Variants in TNIK observed in about 807,000 individuals in gnomAD.
TNIK encodes TRAF2 and NCK-interacting protein kinase.
A neutral mutation model predicts 191.3 loss-of-function variants in TNIK; 49 were observed. That is an observed-to-expected ratio of 0.26 (90% CI 0.20 to 0.32). TNIK has a LOEUF of 0.32. TNIK is among the 10% of genes least tolerant of loss of function. The pLI is 1.00. For synonymous variants in TNIK, 594 were observed against 600.9 expected, an observed-to-expected ratio of 0.99 and a Z score of 0.17; for missense variants, 1,155 against 1,702.3, an observed-to-expected ratio of 0.68 and a Z score of 5.66.
In TNIK at chr3:171,140,429, C is replaced by T. The variant is rs1730654285; in HGVS notation, c.1302G>A (p.Glu434=). 1 of 1,607,992 alleles carries T rather than the reference C, an allele frequency of 6.2e-7. No individual in the cohort carries two copies. The change falls in exon 13 of 33, where the codon GAG becomes GAA. Residue 434 remains glutamate (E), a synonymous_variant. Transcript: ENST00000436636. The part of the protein sequence containing the change: ...RRHYEEQMRR[E]EERRRAEHEQ... Reference sequence around the variant, plus strand: ...CATGCTCCGCACGCCTCCTCTCCTCCTCCCGGCGCATCTGCTCCTCATAGT... The same window carrying T: ...CATGCTCCGCACGCCTCCTCTCCTCTTCCCGGCGCATCTGCTCCTCATAGT...
chr3:171,383,909 C>G (rs1402568259), intron 1 of TNIK, among the ~76,000 whole-genome samples: 1 of 152,190 alleles, frequency 6.6e-6, no homozygotes, highest in Non-Finnish European at 1.5e-5. Context: ...CTCCAAATCT[C>G]CCAGTGGTTC....
chr3:171,325,666 G>T (rs1187164947), intron 2 of TNIK, among the ~76,000 whole-genome samples: 1 of 150,870 alleles, frequency 6.6e-6, no homozygotes, highest in African/African-American at 2.4e-5. Flanking sequence ...ATTTTATCTG[G>T]CAACTTTAAT....
At chr3:171,196,455 T>C (rs148247086) in intron 4 of TNIK, among the ~76,000 whole-genome samples, 2,893 of 152,280 alleles carry the variant, frequency 0.019, 93 homozygotes, top group African/African-American at 0.066. Flanking sequence ...ATCAGGCCTC[T>C]AGCTCCAGCC....
At chr3:171,227,569 T>G (rs1743106050) in intron 3 of TNIK, among the ~76,000 whole-genome samples, 1 of 152,206 alleles carries the variant, frequency 6.6e-6, no homozygotes, top group South Asian at 2.1e-4. Context: ...GCAAACAGTA[T>G]TCACTCTAAC....
rs1715790274 is a variant in TNIK, at chr3:171,366,868, G to C, written c.123+2752C>G. Reference sequence around the variant, plus strand: ...ATCCTGTTCTCATGATAGTGAGTTAGTTCTCATGAGATCTGATGGTTTTAT... The same window carrying C: ...ATCCTGTTCTCATGATAGTGAGTTACTTCTCATGAGATCTGATGGTTTTAT... On this transcript the variant is annotated intron_variant, in intron 2 of 32. Transcript: ENST00000436636. This position sits in a 1 kb window ranked among gnomAD's most constrained non-coding sequence, Gnocchi z 4.1. 6.6e-6 allele frequency among the ~76,000 whole-genome samples: 1 copy of C among 152,136 alleles called. No individual in the cohort carries two copies. The highest frequency in any genetic ancestry group is 2.4e-5 in the African/African-American group (1 of 41,430).
At chr3:171,188,994 C>T (rs9859079) in intron 6 of TNIK, among the ~76,000 whole-genome samples, 162 bp from the exon 7 acceptor site, 36,858 of 152,142 alleles carry the variant, frequency 0.24, 6,754 homozygotes, top group African/African-American at 0.52. Flanking sequence ...CACATCCACA[C>T]TGTTGTGCAA....
At chr3:171,275,833 C>T (rs569246801) in intron 2 of TNIK, among the ~76,000 whole-genome samples, 150 of 152,044 alleles carry the variant, frequency 9.9e-4, no homozygotes, top group African/African-American at 3.3e-3. Flanking sequence ...GGAGGCGGAG[C>T]TTGCAGTGAG....
At chr3:171,263,159 T>G (rs1747862519) in intron 2 of TNIK, among the ~76,000 whole-genome samples, 1 of 152,216 alleles carries the variant, frequency 6.6e-6, no homozygotes, top group Admixed American at 6.5e-5. Flanking sequence ...TGAAGGTCTA[T>G]TCCAGCTCAA....
intron 1 of TNIK, among the ~76,000 whole-genome samples, chr3:171,430,224 A>C (rs1725193608): frequency 6.6e-6 from 1 of 152,246 alleles, no homozygotes. Flanking sequence ...ATACTGTTTC[A>C]AGTAGTTTCA....
intron 3 of TNIK, among the ~76,000 whole-genome samples, chr3:171,219,063 TTA>T (rs1276473295): frequency 3.8e-5 from 2 of 51,964 alleles, no homozygotes; most frequent in African/African-American, 1.2e-4. Context: ...ATATAATATA[TTA>T]AATATATAAA....
intron 15 of TNIK, among the ~76,000 whole-genome samples, chr3:171,136,876 A>G (rs1045496575): frequency 5.9e-5 from 9 of 152,220 alleles, no homozygotes; most frequent in African/African-American, 2.2e-4. Flanking sequence ...GGATCACAAA[A>G]TTGAATTACT....
chr3:171,404,628 AT>A (rs1560029639), intron 1 of TNIK, among the ~76,000 whole-genome samples: 2 of 152,070 alleles, frequency 1.3e-5, no homozygotes, highest in East Asian at 3.9e-4. Context: ...ATGCAGTTTA[AT>A]TTTTTTTAAG....
intron 22 of TNIK, 111 bp from the exon 23 acceptor site, chr3:171,094,079 A>G (rs1394505216): frequency 3.7e-5 from 50 of 1,338,562 alleles, no homozygotes; most frequent in Non-Finnish European, 4.9e-5. Flanking sequence ...ATAACATAAA[A>G]TTTACCATTG....
At chr3:171,091,790 C>T (rs61792364) in intron 23 of TNIK, among the ~76,000 whole-genome samples, 15,953 of 151,888 alleles carry the variant, frequency 0.11, 981 homozygotes, top group Middle Eastern at 0.16. Flanking sequence ...TATGTAAATA[C>T]TCTCTTTCTC....
intron 3 of TNIK, among the ~76,000 whole-genome samples, chr3:171,217,532 G>C (rs1741592131): frequency 6.6e-6 from 1 of 151,830 alleles, no homozygotes; most frequent in Admixed American, 6.6e-5. Context: ...TGTACCTCCT[G>C]AGTCTAAAAT....
At chr3:171,394,584 A>G (rs1225010543) in intron 1 of TNIK, among the ~76,000 whole-genome samples, 1 of 152,226 alleles carries the variant, frequency 6.6e-6, no homozygotes, top group Non-Finnish European at 1.5e-5. Flanking sequence ...AGATCAAAAC[A>G]TAATTGAAAG....
At chr3:171,376,226 A>T (rs1717193342) in intron 1 of TNIK, among the ~76,000 whole-genome samples, 1 of 152,230 alleles carries the variant, frequency 6.6e-6, no homozygotes, top group Admixed American at 6.5e-5. Flanking sequence ...AGGCTTTTCA[A>T]CATCATCTTC....
At chr3:171,192,680 C>G (rs140047505) in intron 5 of TNIK, among the ~76,000 whole-genome samples, 1,640 of 152,312 alleles carry the variant, frequency 0.011, 28 homozygotes, top group African/African-American at 0.038. Flanking sequence ...AGAGACCTGA[C>G]AGGTTCTTGG....
chr3:171,192,808 C>G (rs187386103), intron 5 of TNIK, among the ~76,000 whole-genome samples: 1 of 152,168 alleles, frequency 6.6e-6, no homozygotes, highest in Non-Finnish European at 1.5e-5. Flanking sequence ...CAGAGATAAA[C>G]GTCAGATGTG....
Sources: allele counts gnomAD v4.1 joint callset (sites outside exome capture counted in the v4.1 genomes callset), GRCh38; gene constraint gnomAD v4.1.1; non-coding constraint Gnocchi (gnomAD v3.1); transcripts MANE v1.5; gene names NCBI Gene and HGNC (gene_info 2026-07-23, HGNC 2026-07-21).